The following WDR70 variants were observed in gnomAD, a reference collection of about 807,000 sequenced individuals.
The protein encoded by WDR70 is WD repeat-containing protein 70.
Under a neutral mutation model 88.6 loss-of-function variants are expected in WDR70, and 53 were observed. That is an observed-to-expected ratio of 0.60 (90% CI 0.48 to 0.75). WDR70 has a LOEUF of 0.75. WDR70 is among the 30% of genes least tolerant of loss of function. The pLI is 0.00. For missense variants in WDR70, 610 were observed against 823.2 expected (o/e 0.74, Z 3.17); for synonymous variants, 280 against 270.0 (o/e 1.04, Z -0.36).
intron 5 of WDR70, among the ~76,000 whole-genome samples, chr5:37,421,928 C>T (rs970191654): frequency 2.0e-5 from 3 of 151,480 alleles, no homozygotes; most frequent in East Asian, 1.9e-4. Flanking sequence ...AAAGTCTTCT[C>T]CTTGGGGTGG....
At chr5:37,646,017 A>T (rs183161677) in intron 10 of WDR70, among the ~76,000 whole-genome samples, 7,361 of 151,894 alleles carry the variant, frequency 0.048, 574 homozygotes, top group African/African-American at 0.16. Context: ...TAATTAAAAA[A>T]ATTTTTTTTG....
In WDR70 at chr5:37,701,118, C is replaced by T. The variant is rs143707270; in HGVS notation, c.1253C>T (p.Ser418Leu). The stretch of plus-strand genomic sequence containing the variant: ...TTTAATAAACCACTTTTTTCAGCCT[C>T]GGGTCTTCCCACCATGTTCCCAATG... Reference protein sequence around the residue: ...RQFNKPLFSASGLPTMFPMTD... With the variant: ...RQFNKPLFSALGLPTMFPMTD... The change falls in exon 12 of 18, where the codon TCG (serine) becomes TTG (leucine). Residue 418 changes from serine to leucine, a missense_variant. Physicochemically the swap from Ser to Leu is moderately radical, Grantham distance 145. This residue lies in a region of WDR70 where 254 missense variants were observed against 300.7 expected (regional missense o/e 0.84). Transcript: ENST00000265107. 20 of 1,609,826 alleles carry T rather than the reference C, an allele frequency of 1.2e-5. No homozygotes were observed. Among genetic ancestry groups the T allele is most frequent in the East Asian group, 6.7e-5 (3 of 44,842 alleles).
At chr5:37,538,359 T>TA (rs1230573030) in intron 9 of WDR70, among the ~76,000 whole-genome samples, 2 of 152,220 alleles carry the variant, frequency 1.3e-5, no homozygotes, top group Admixed American at 1.3e-4. Context: ...GTTATGCACT[T>TA]ACTGCTTAAT....
chr5:37,578,933 G>T (rs545435135), intron 9 of WDR70, among the ~76,000 whole-genome samples: 1 of 152,120 alleles, frequency 6.6e-6, no homozygotes, highest in Non-Finnish European at 1.5e-5. Flanking sequence ...ACTTTTTTGA[G>T]ATTTTAATTT....
chr5:37,453,040 A>G (rs1738722176), intron 7 of WDR70, among the ~76,000 whole-genome samples: 1 of 152,218 alleles, frequency 6.6e-6, no homozygotes, highest in Admixed American at 6.5e-5. Context: ...AAAGACTGAC[A>G]TTATGTGTTT....
chr5:37,558,417 C>T (rs1480723524), intron 9 of WDR70, among the ~76,000 whole-genome samples: 3 of 152,026 alleles, frequency 2.0e-5, no homozygotes, highest in East Asian at 3.9e-4. Context: ...ATCCCAAGCT[C>T]AAGTGATTCT....
At chr5:37,626,452 G>A (rs1231087027) in intron 10 of WDR70, among the ~76,000 whole-genome samples, 1 of 152,160 alleles carries the variant, frequency 6.6e-6, no homozygotes, top group Non-Finnish European at 1.5e-5. Context: ...GCATTCCTGA[G>A]ATAAATCCCA....
chr5:37,571,114 T>G (rs773291628), intron 9 of WDR70, among the ~76,000 whole-genome samples: 3 of 152,180 alleles, frequency 2.0e-5, no homozygotes, highest in Non-Finnish European at 4.4e-5. Context: ...TGTTTGTGGA[T>G]TTGAAAGCTT....
At chr5:37,677,002 A>G (rs1285576266) in intron 10 of WDR70, among the ~76,000 whole-genome samples, 1 of 151,972 alleles carries the variant, frequency 6.6e-6, no homozygotes, top group Non-Finnish European at 1.5e-5. Context: ...TTTCTTCTAG[A>G]TTTTCTAGTT....
intron 5 of WDR70, among the ~76,000 whole-genome samples, chr5:37,436,235 T>C (rs770955964): frequency 1.6e-4 from 24 of 152,084 alleles, no homozygotes; most frequent in Non-Finnish European, 2.8e-4. Flanking sequence ...TTGGAATACA[T>C]AGTGGCTATC....
chr5:37,451,326 A>T (rs1486368606), intron 7 of WDR70, among the ~76,000 whole-genome samples: 3 of 152,184 alleles, frequency 2.0e-5, no homozygotes, highest in Non-Finnish European at 4.4e-5. Flanking sequence ...TCACTTGATG[A>T]TTCCAGTAGT....
intron 3 of WDR70, among the ~76,000 whole-genome samples, chr5:37,389,804 G>T (rs917278189): frequency 9.2e-5 from 14 of 152,078 alleles, no homozygotes; most frequent in African/African-American, 3.4e-4. Context: ...ACCCGCCTCA[G>T]CCCAGAAGAC....
intron 6 of WDR70, among the ~76,000 whole-genome samples, chr5:37,441,621 C>A (rs1163640423): frequency 6.6e-6 from 1 of 151,994 alleles, no homozygotes; most frequent in African/African-American, 2.4e-5. Flanking sequence ...AGTTTGAGAC[C>A]AGCCTGGTCA....
intron 9 of WDR70, among the ~76,000 whole-genome samples, chr5:37,563,106 G>T (rs1288624717): frequency 2.8e-5 from 2 of 70,186 alleles, no homozygotes; most frequent in Non-Finnish European, 7.2e-5. Flanking sequence ...TCCCGGACGG[G>T]GCGGCTGGCT....
intron 13 of WDR70, among the ~76,000 whole-genome samples, chr5:37,709,431 C>A (rs1747448930): frequency 6.6e-6 from 1 of 152,086 alleles, no homozygotes; most frequent in South Asian, 2.1e-4. Context: ...ATTATATTTG[C>A]CCACAGCCAA....
At position 37,703,017 on chromosome 5, in the gene WDR70, G is replaced by T; in HGVS notation, c.1346G>T (p.Gly449Val). Residue 449 changes from glycine (G) to valine (V), a missense_variant, in exon 13 of 18, where the codon GGC (glycine) becomes GTC (valine). Around this residue, in one of 4 missense-constraint regions of WDR70, gnomAD observed 254 missense variants for 300.7 expected, o/e 0.84. Transcript: ENST00000265107. ...VTGTSIQRGC[G>V]SGKLVFFERR... ...GGTACATCTATTCAAAGAGGATGTGGCAGCGGCAAACTTGTTTTCTTTGAG... is the reference window on the plus strand; with the variant it reads ...GGTACATCTATTCAAAGAGGATGTGTCAGCGGCAAACTTGTTTTCTTTGAG... 6.2e-7 allele frequency: 1 copy of T among 1,613,908 alleles called. No individual in the cohort carries two copies. The highest frequency in any genetic ancestry group is 8.5e-7 in the Non-Finnish European group (1 of 1,179,820).
At chr5:37,444,130 C>T (rs1738383211) in intron 7 of WDR70, among the ~76,000 whole-genome samples, 1 of 151,328 alleles carries the variant, frequency 6.6e-6, no homozygotes, top group Non-Finnish European at 1.5e-5. Context: ...TCCTGGGTGA[C>T]AGAGCAAGAC....
At chr5:37,645,851 A>G (rs906714717) in intron 10 of WDR70, among the ~76,000 whole-genome samples, 2 of 151,766 alleles carry the variant, frequency 1.3e-5, no homozygotes, top group Non-Finnish European at 2.9e-5. Flanking sequence ...TTTTCAGTCT[A>G]TGTGTGTCTT....
intron 10 of WDR70, among the ~76,000 whole-genome samples, chr5:37,646,112 A>AT (rs1398369490): frequency 6.6e-6 from 1 of 150,436 alleles, no homozygotes; most frequent in African/African-American, 2.5e-5. Context: ...TTTGCTTTTT[A>AT]TTTTTTGTGT....
Sources: allele counts gnomAD v4.1 joint callset (sites outside exome capture counted in the v4.1 genomes callset), GRCh38; gene constraint gnomAD v4.1.1; regional missense constraint gnomAD v4.1.1; transcripts MANE v1.5; gene names NCBI Gene and HGNC (gene_info 2026-07-23, HGNC 2026-07-21).